The following PLEKHG5 variants were observed in gnomAD, a reference collection of about 807,000 sequenced individuals.
The protein encoded by PLEKHG5 is pleckstrin homology and RhoGEF domain containing G5, also known as pleckstrin homology domain-containing family G member 5.
Under a neutral mutation model 103.8 loss-of-function variants are expected in PLEKHG5, and 52 were observed. The ratio of observed to expected loss-of-function variants is 0.50; its 90% confidence interval spans 0.40 to 0.63. The LOEUF is 0.63. Ranked by LOEUF, PLEKHG5 falls within the 30% of genes least tolerant of loss-of-function variation. The pLI is 0.00. For synonymous variants in PLEKHG5, 592 were observed against 575.5 expected (o/e 1.03, Z -0.41); for missense variants, 1,205 against 1,347.6 (o/e 0.89, Z 1.66).
intron 1 of PLEKHG5, among the ~76,000 whole-genome samples, chr1:6,504,572 CTT>C (rs200327321): frequency 0.46 from 62,321 of 136,014 alleles, 14,855 homozygotes; most frequent in African/African-American, 0.65. Flanking sequence ...CTTTTTTTTT[CTT>C]TTTTTTTTTT....
At chr1:6,514,948 G>T (rs554664224) in intron 1 of PLEKHG5, among the ~76,000 whole-genome samples, 1 of 152,102 alleles carries the variant, frequency 6.6e-6, no homozygotes, top group South Asian at 2.1e-4. Flanking sequence ...CAGTTATTCA[G>T]GAGGCTGAGA....
intron 6 of PLEKHG5, 49 bp from the exon 7 acceptor site, chr1:6,474,213 G>T: frequency 6.2e-7 from 1 of 1,604,148 alleles, no homozygotes; most frequent in Non-Finnish European, 8.5e-7. Context: ...TCTGGTGGAG[G>T]AGGGGGTCCC....
In PLEKHG5 at chr1:6,475,589, G is replaced by A. The variant is rs1330443394; in HGVS notation, c.150-67C>T. The A allele has an allele frequency of 6.5e-6, 9 of 1,381,246 alleles. No individual in the cohort carries two copies. The African/African-American group carries it at 9.9e-5, about 15-fold the overall frequency. The allele number at this position is 1,381,246 out of a possible 1,614,324, so 85.6% of individuals were successfully genotyped here. Reference sequence around the variant, plus strand: ...GCCCTCGCCAGCGTGGGCGGCGAGTGGGCCTGTGGCCTCCCCGCCCTTGGC... The same window carrying A: ...GCCCTCGCCAGCGTGGGCGGCGAGTAGGCCTGTGGCCTCCCCGCCCTTGGC... On this transcript the variant is annotated intron_variant, in intron 3 of 20. Coordinates refer to ENST00000377728, the MANE Select transcript of PLEKHG5 (RefSeq NM_020631.6).
Position 6,490,691 on chromosome 1 carries a change from A to G in PLEKHG5, c.-88+946T>C. On this transcript the variant is annotated intron_variant, in intron 1 of 20. Transcript: ENST00000377728. The surrounding 1 kb of genome is among the most constrained non-coding windows in gnomAD (Gnocchi z 8.0). ...TGGGACCGGGGAGAGGAGGGGTCCC[A>G]GGAAGGGCCCCGCGCCGGAGCCAGG... The G allele has an allele frequency of 1.3e-6, 1 of 779,870 alleles. No individual in the cohort carries two copies. Among genetic ancestry groups the G allele is most frequent in the South Asian group, 5.8e-5 (1 of 17,114 alleles). The allele number at this position is 779,870 out of a possible 1,614,324, so 48.3% of individuals were successfully genotyped here. A position where few individuals can be genotyped will look rare whatever the true frequency, so the allele number is the denominator to read the frequency against.
chr1:6,485,042 C>T (rs911119904), intron 1 of PLEKHG5, among the ~76,000 whole-genome samples: 1 of 152,056 alleles, frequency 6.6e-6, no homozygotes, highest in African/African-American at 2.4e-5. Context: ...GCATAGGGCC[C>T]GGGACCCACA....
intron 10 of PLEKHG5, 50 bp from the exon 11 acceptor site, chr1:6,471,858 C>G: frequency 6.5e-7 from 1 of 1,545,066 alleles, no homozygotes; most frequent in Non-Finnish European, 8.8e-7. Context: ...TGTCTCAGCC[C>G]TAGGGCCCCA....
intron 1 of PLEKHG5, among the ~76,000 whole-genome samples, chr1:6,480,411 T>G (rs1426854978): frequency 6.6e-6 from 1 of 151,356 alleles, no homozygotes; most frequent in Non-Finnish European, 1.5e-5. Flanking sequence ...ACGCCTGTAG[T>G]CCCAGCTACT....
intron 1 of PLEKHG5, among the ~76,000 whole-genome samples, chr1:6,512,691 G>A (rs961506779): frequency 2.0e-5 from 3 of 152,184 alleles, no homozygotes; most frequent in Non-Finnish European, 4.4e-5. Flanking sequence ...CCTGCCCTGC[G>A]CTGGCACAGC....
rs560493373 is a variant in PLEKHG5 at position 6,477,463 on chromosome 1, C to T, written c.43+66G>A. The T allele has an allele frequency of 2.0e-5, 31 of 1,550,894 alleles. No homozygotes were observed. The East Asian group carries it at 2.7e-4, about 14-fold the overall frequency. On this transcript the variant is annotated intron_variant, in intron 2 of 20. Coordinates refer to ENST00000377728, the MANE Select transcript of PLEKHG5 (RefSeq NM_020631.6). ...TCCTTATGACGCCCTAGCACGTTTC[C>T]GACAGTTACTGAAACACTGACACAG...
Position 6,474,676 on chromosome 1 carries a change from C to T in PLEKHG5, c.303-89G>A. 4.4e-6 allele frequency: 6 copies of T among 1,355,502 alleles called. 1 individual carries two copies. The South Asian group carries it at 6.2e-5, about 14-fold the overall frequency. The allele number at this position is 1,355,502 out of a possible 1,614,324, so 84.0% of individuals were successfully genotyped here. The stretch of plus-strand genomic sequence containing the variant: ...CGCCCCCACGAGCCCCCGCCCCACC[C>T]ACAGCCCCAGCTGCCCCCACCTTCC... On this transcript the variant is annotated intron_variant, in intron 5 of 20. Transcript: ENST00000377728.
At chr1:6,484,329 G>T (rs1406545207) in intron 1 of PLEKHG5, among the ~76,000 whole-genome samples, 1 of 152,120 alleles carries the variant, frequency 6.6e-6, no homozygotes, top group Admixed American at 6.5e-5. Flanking sequence ...TGCTGCCAGG[G>T]GCTGGTGCCC....
At chr1:6,475,673 G>T in intron 3 of PLEKHG5, 151 bp from the exon 4 acceptor site, 1 of 772,210 alleles carries the variant, frequency 1.3e-6, no homozygotes. Flanking sequence ...GCATAGGGCT[G>T]TGCGCCCTCT....
chr1:6,514,332 G>A (rs1638556278), intron 1 of PLEKHG5, among the ~76,000 whole-genome samples: 2 of 151,992 alleles, frequency 1.3e-5, no homozygotes, highest in South Asian at 4.2e-4. Context: ...GTATGCGCCT[G>A]TGGTCCCAGC....
chr1:6,472,851 TCA>T, intron 9 of PLEKHG5, 133 bp downstream of exon 9: 1 of 862,286 alleles, frequency 1.2e-6, no homozygotes. Context: ...TCATCTAGCC[TCA>T]GTGTCTCCAA....
At chr1:6,499,390 C>T (rs367791994), upstream of PLEKHG5, among the ~76,000 whole-genome samples, 8 of 152,206 alleles carry the variant, frequency 5.3e-5, no homozygotes, top group African/African-American at 1.4e-4. Flanking sequence ...CTGAACTCTC[C>T]GGCCTCTGAC....
chr1:6,515,011 A>G (rs12408699), intron 1 of PLEKHG5, among the ~76,000 whole-genome samples: 26,006 of 152,086 alleles, frequency 0.17, 2,834 homozygotes, highest in African/African-American at 0.31. Flanking sequence ...CCAAGATGGT[A>G]CCACTGTACT....
intron 1 of PLEKHG5, among the ~76,000 whole-genome samples, chr1:6,514,825 G>A (rs1638571349): frequency 6.7e-6 from 1 of 150,044 alleles, no homozygotes; most frequent in African/African-American, 2.5e-5. Context: ...CCCAGCACTT[G>A]GAGAGGCTGA....
rs963369828 is a variant in PLEKHG5 at position 6,473,417 on chromosome 1, A to C, written c.629T>G (p.Leu210Arg). The change falls in exon 8 of 21, where the codon CTG (leucine) becomes CGG (arginine). Residue 210 changes from leucine (L) to arginine (R), a missense_variant. Transcript: ENST00000377728. Reference sequence around the variant, plus strand: ...CTGCCCGGGGATGCTCGCCTCCCCCAGGAACTCCGACATGTTCTTGCGGCG... The same window carrying C: ...CTGCCCGGGGATGCTCGCCTCCCCCCGGAACTCCGACATGTTCTTGCGGCG... The part of the protein sequence containing the change: ...GRRRKNMSEF[L>R]GEASIPGQEP... The C allele has an allele frequency of 3.9e-6, 6 of 1,542,414 alleles. No homozygotes were observed. The highest frequency in any genetic ancestry group is 5.2e-6 in the Non-Finnish European group (6 of 1,143,222).
chr1:6,495,680 GT>G (rs1280783102), upstream of PLEKHG5, among the ~76,000 whole-genome samples: 2 of 152,224 alleles, frequency 1.3e-5, no homozygotes, highest in East Asian at 3.8e-4. Context: ...AAGTTGCGCA[GT>G]TGTCACTATT....
Sources: gnomAD v4.1 joint callset for allele counts (sites outside exome capture counted in the v4.1 genomes callset) on GRCh38, gnomAD v4.1.1 for gene constraint, Gnocchi (gnomAD v3.1) non-coding constraint, MANE v1.5 for transcripts, NCBI Gene and HGNC (gene_info 2026-07-23, HGNC 2026-07-21) for gene names.